The following TTC28 variants were observed in gnomAD, a reference collection of about 807,000 sequenced individuals.
TTC28 encodes the protein tetratricopeptide repeat protein 28.
In TTC28, 61 loss-of-function variants were observed where a neutral mutation model predicts 198.0. The ratio of observed to expected loss-of-function variants is 0.31; its 90% confidence interval spans 0.25 to 0.38. The LOEUF (loss-of-function observed/expected upper bound fraction) is 0.38, where lower values mean the gene tolerates loss of function less well. Ranked by LOEUF, TTC28 falls within the 10% of genes least tolerant of loss-of-function variation. The pLI, the probability that TTC28 is intolerant of heterozygous loss-of-function variation, is 1.00. For synonymous variants in TTC28, 1,171 were observed against 1,297.8 expected (o/e 0.90, Z 2.10); for missense variants, 2,678 against 3,164.0 (o/e 0.85, Z 3.69).
At chr22:28,089,910 A>G (rs1254769020) in intron 12 of TTC28, among the ~76,000 whole-genome samples, 2 of 151,882 alleles carry the variant, frequency 1.3e-5, no homozygotes, top group African/African-American at 2.4e-5. Flanking sequence ...TGGGAATTGA[A>G]CAATGAGAAC....
At chr22:28,499,394 T>A (rs1266763617) in intron 2 of TTC28, among the ~76,000 whole-genome samples, 2 of 152,190 alleles carry the variant, frequency 1.3e-5, no homozygotes, top group Admixed American at 6.5e-5. Flanking sequence ...AATTTTCACA[T>A]CCTTCATTAA....
chr22:28,352,267 C>T (rs768211473), intron 2 of TTC28, among the ~76,000 whole-genome samples: 5 of 149,926 alleles, frequency 3.3e-5, no homozygotes, highest in African/African-American at 4.9e-5. Context: ...AAAAAAGAAC[C>T]TGATTAATCG....
intron 21 of TTC28, among the ~76,000 whole-genome samples, chr22:27,988,060 T>A (rs1937271479): frequency 1.3e-5 from 2 of 151,916 alleles, no homozygotes; most frequent in Non-Finnish European, 2.9e-5. Context: ...ACAAAAAAAG[T>A]TAAAAAAAAA....
intron 6 of TTC28, among the ~76,000 whole-genome samples, chr22:28,122,799 A>C (rs1569150907): frequency 6.6e-6 from 1 of 152,234 alleles, no homozygotes; most frequent in East Asian, 1.9e-4. Flanking sequence ...AGGTAATAAA[A>C]ATGATCACTA....
At chr22:28,023,640 T>G (rs1938702773) in intron 13 of TTC28, among the ~76,000 whole-genome samples, 1 of 152,194 alleles carries the variant, frequency 6.6e-6, no homozygotes, top group Non-Finnish European at 1.5e-5. Context: ...CTTCCAGAGC[T>G]GGATTAGTCA....
At chr22:28,602,726 T>C (rs1016504026) in intron 2 of TTC28, among the ~76,000 whole-genome samples, 12 of 152,104 alleles carry the variant, frequency 7.9e-5, no homozygotes, top group Non-Finnish European at 1.5e-4. Context: ...GCTTTGACAA[T>C]GAAGTATAGT....
chr22:28,321,780 T>C (rs2045449658), intron 2 of TTC28, among the ~76,000 whole-genome samples: 1 of 152,178 alleles, frequency 6.6e-6, no homozygotes, highest in Non-Finnish European at 1.5e-5. Context: ...AGGAATGATA[T>C]GACAATACTG....
At chr22:28,268,857 A>T (rs1210968149) in intron 5 of TTC28, among the ~76,000 whole-genome samples, 1 of 152,168 alleles carries the variant, frequency 6.6e-6, no homozygotes, top group African/African-American at 2.4e-5. Flanking sequence ...AAAGTTATTT[A>T]ATTTCTACTT....
At chr22:28,243,841 G>C (rs16986193) in intron 5 of TTC28, among the ~76,000 whole-genome samples, 2,394 of 152,240 alleles carry the variant, frequency 0.016, 83 homozygotes, top group African/African-American at 0.055. Flanking sequence ...CAACTTCCTT[G>C]AACACAGACA....
chr22:28,403,015 C>A (rs2046941257), intron 2 of TTC28, among the ~76,000 whole-genome samples: 1 of 152,162 alleles, frequency 6.6e-6, no homozygotes, highest in Non-Finnish European at 1.5e-5. Context: ...ATACAATCTC[C>A]CAGTCCCCAG....
At chr22:28,012,426 C>T (rs138671) in intron 14 of TTC28, among the ~76,000 whole-genome samples, 8,900 of 152,206 alleles carry the variant, frequency 0.058, 366 homozygotes, top group Non-Finnish European at 0.083. Flanking sequence ...GGCAGTGACC[C>T]GGCACTCGGA....
intron 12 of TTC28, among the ~76,000 whole-genome samples, chr22:28,093,527 T>G (rs1196556072): frequency 1.3e-5 from 2 of 152,242 alleles, no homozygotes; most frequent in Admixed American, 1.3e-4. Flanking sequence ...ATATGTAAAA[T>G]AGTCAATCAT....
At chr22:28,220,263 G>T (rs1467199352) in intron 5 of TTC28, among the ~76,000 whole-genome samples, 1 of 152,182 alleles carries the variant, frequency 6.6e-6, no homozygotes, top group Non-Finnish European at 1.5e-5. Flanking sequence ...CTGAGACATT[G>T]TATTAGTTAT....
intron 2 of TTC28, among the ~76,000 whole-genome samples, chr22:28,527,387 C>T (rs1218884543): frequency 6.6e-6 from 1 of 152,198 alleles, no homozygotes; most frequent in African/African-American, 2.4e-5. Context: ...TCTTCCTCTG[C>T]ACTCCCATGT....
intron 2 of TTC28, chr22:28,442,982 G>C (rs1049379680): frequency 6.6e-6 from 1 of 152,420 alleles, no homozygotes; most frequent in African/African-American, 2.4e-5. Flanking sequence ...GGGCAGCGAC[G>C]ACTGCAAGTC....
intron 2 of TTC28, among the ~76,000 whole-genome samples, chr22:28,477,017 G>T (rs1392093389): frequency 2.0e-5 from 3 of 152,126 alleles, no homozygotes; most frequent in African/African-American, 7.2e-5. Flanking sequence ...AGGAACAAAA[G>T]AATATATTCA....
intron 6 of TTC28, among the ~76,000 whole-genome samples, chr22:28,145,531 G>A (rs1448342958): frequency 1.3e-5 from 2 of 152,082 alleles, no homozygotes; most frequent in Admixed American, 6.6e-5. Flanking sequence ...TTTTGATTTG[G>A]ATTATTTTAT....
At chr22:28,640,294 A>G (rs1413655281) in intron 1 of TTC28, among the ~76,000 whole-genome samples, 1 of 128,734 alleles carries the variant, frequency 7.8e-6, no homozygotes, top group Non-Finnish European at 1.6e-5. Flanking sequence ...AATCAACTAT[A>G]GAGGAGAAAA....
chr22:28,646,440 T>C (rs554933324), intron 1 of TTC28, among the ~76,000 whole-genome samples: 6 of 152,214 alleles, frequency 3.9e-5, no homozygotes, highest in African/African-American at 1.4e-4. Context: ...CCCATGCTCA[T>C]GGAGTAGAAA....
Sources: gnomAD v4.1 joint callset for allele counts (sites outside exome capture counted in the v4.1 genomes callset) on GRCh38, gnomAD v4.1.1 for gene constraint, MANE v1.5 for transcripts, NCBI Gene and HGNC (gene_info 2026-07-23, HGNC 2026-07-21) for gene names.